Variants in MPHOSPH9 observed in about 807,000 individuals in gnomAD.
The protein encoded by MPHOSPH9 is M-phase phosphoprotein 9.
MPHOSPH9 carries 88 observed loss-of-function variants against 145.5 expected under a neutral mutation model. The observed-to-expected ratio is 0.60, with a 90% CI of 0.51 to 0.72. The LOEUF (loss-of-function observed/expected upper bound fraction) is 0.72. Ranked by LOEUF, MPHOSPH9 falls within the 30% of genes least tolerant of loss-of-function variation. The pLI, the probability that MPHOSPH9 is intolerant of heterozygous loss-of-function variation, is 0.00. For missense variants in MPHOSPH9, 1,238 were observed against 1,386.6 expected, an observed-to-expected ratio of 0.89 and a Z score of 1.70; for synonymous variants, 435 against 486.2, an observed-to-expected ratio of 0.89 and a Z score of 1.39.
At chr12:123,177,328 G>A (rs1267339272) in intron 15 of MPHOSPH9, among the ~76,000 whole-genome samples, 1 of 152,094 alleles carries the variant, frequency 6.6e-6, no homozygotes, top group African/African-American at 2.4e-5. Context: ...GATGTCAGGA[G>A]TTCGAGCCCA....
chr12:123,172,021 T>C (rs552972961), intron 16 of MPHOSPH9, among the ~76,000 whole-genome samples: 2 of 152,312 alleles, frequency 1.3e-5, no homozygotes, highest in Admixed American at 6.5e-5. Flanking sequence ...CATGAACCCA[T>C]AAGAAATACA....
At chr12:123,157,694 C>T (rs2043930094) in intron 23 of MPHOSPH9, among the ~76,000 whole-genome samples, 1 of 152,018 alleles carries the variant, frequency 6.6e-6, no homozygotes, top group Non-Finnish European at 1.5e-5. Context: ...ACTATGTCAC[C>T]CAGGCTGGTC....
chr12:123,214,721 A>G (rs1166830938), intron 7 of MPHOSPH9, 23 bp downstream of exon 7: 3 of 1,575,662 alleles, frequency 1.9e-6, no homozygotes, highest in Non-Finnish European at 2.6e-6. Flanking sequence ...AGGTTAAAAA[A>G]AATAAAAATG....
chr12:123,163,140 G>A lies in MPHOSPH9; in HGVS notation c.2909-6C>T, dbSNP rs1324730692. ...TAGCATAATCTCTCTTTTTGCTATA[G>A]AAGAAAATGAAGAGGAAATATTCTT... On this transcript the variant is annotated splice_region_variant and splice_polypyrimidine_tract_variant and intron_variant, in intron 19 of 23. Coordinates refer to ENST00000606320, the MANE Select transcript of MPHOSPH9 (RefSeq NM_022782.4). The A allele has an allele frequency of 6.4e-7, 1 of 1,568,812 alleles. No homozygotes were observed. The highest frequency in any genetic ancestry group is 8.6e-7 in the Non-Finnish European group (1 of 1,164,690).
intron 16 of MPHOSPH9, among the ~76,000 whole-genome samples, chr12:123,172,841 C>G (rs940915376): frequency 1.3e-4 from 19 of 145,120 alleles, no homozygotes; most frequent in African/African-American, 4.8e-4. Context: ...TTTCCATATT[C>G]CAGCTGTTAG....
At chr12:123,199,318 A>C (rs2046111211) in intron 11 of MPHOSPH9, among the ~76,000 whole-genome samples, 1 of 152,226 alleles carries the variant, frequency 6.6e-6, no homozygotes, top group Non-Finnish European at 1.5e-5. Context: ...TTGTAAAGTT[A>C]ATTATCACAG....
intron 2 of MPHOSPH9, among the ~76,000 whole-genome samples, chr12:123,228,855 T>C (rs1247673181): frequency 6.6e-6 from 1 of 152,218 alleles, no homozygotes; most frequent in Non-Finnish European, 1.5e-5. Flanking sequence ...TCCAGCCAAA[T>C]CAAACACTGT....
chr12:123,194,369 T>C lies in MPHOSPH9; in HGVS notation c.2241+17A>G. 1.4e-6 allele frequency: 2 copies of C among 1,478,208 alleles called. No individual in the cohort carries two copies. Among genetic ancestry groups the C allele is most frequent in the Non-Finnish European group, 1.9e-6 (2 of 1,078,316 alleles). 91.6% of individuals were successfully genotyped at this position (1,478,208 alleles called of 1,614,324 possible). The stretch of plus-strand genomic sequence containing the variant: ...TTAGCCAATCACGTCATTAAGTTAC[T>C]ATTATTCGCTACTTACATCTTGAAA... On this transcript the variant is annotated intron_variant, in intron 13 of 23. Transcript: ENST00000606320.
At chr12:123,209,623 T>G (rs750358036) in intron 8 of MPHOSPH9, among the ~76,000 whole-genome samples, 2 of 152,106 alleles carry the variant, frequency 1.3e-5, no homozygotes, top group Non-Finnish European at 2.9e-5. Flanking sequence ...TTAGCCAGGC[T>G]GGTCTCGAAC....
chr12:123,177,549 A>G (rs1341272924), intron 15 of MPHOSPH9, among the ~76,000 whole-genome samples: 1 of 151,704 alleles, frequency 6.6e-6, no homozygotes, highest in African/African-American at 2.4e-5. Flanking sequence ...AAAAAAATAA[A>G]AGCTAAACAA....
At chr12:123,195,940 T>C (rs932488275) in intron 12 of MPHOSPH9, among the ~76,000 whole-genome samples, 47 of 150,640 alleles carry the variant, frequency 3.1e-4, no homozygotes, top group Middle Eastern at 6.5e-3. Flanking sequence ...GAGGCTGAGA[T>C]GGGAGGAGCA....
chr12:123,178,925 C>G (rs930761445), intron 15 of MPHOSPH9, among the ~76,000 whole-genome samples: 1 of 152,206 alleles, frequency 6.6e-6, no homozygotes, highest in Non-Finnish European at 1.5e-5. Flanking sequence ...TCCAACCGGT[C>G]TTTCTGAAAG....
At chr12:123,170,692 C>T (rs1013295092) in intron 16 of MPHOSPH9, among the ~76,000 whole-genome samples, 7 of 152,192 alleles carry the variant, frequency 4.6e-5, no homozygotes, top group African/African-American at 1.4e-4. Context: ...TGTCCTTTCT[C>T]CCGGCAGTGG....
chr12:123,202,359 ATCTTCAG>A (rs1356504292), intron 10 of MPHOSPH9, 40 bp from the exon 11 acceptor site: 1 of 1,538,954 alleles, frequency 6.5e-7, no homozygotes, highest in East Asian at 2.3e-5. Flanking sequence ...TAGGAAAGCT[ATCTTCAG>A]TCTCCATCCC....
chr12:123,200,410 C>T (rs2046169288), intron 11 of MPHOSPH9, among the ~76,000 whole-genome samples: 1 of 152,050 alleles, frequency 6.6e-6, no homozygotes, highest in Non-Finnish European at 1.5e-5. Context: ...GTAACCAAGC[C>T]TGCCACTGTT....
chr12:123,242,445 T>G (rs2047955046), intron 1 of MPHOSPH9, among the ~76,000 whole-genome samples: 1 of 152,250 alleles, frequency 6.6e-6, no homozygotes, highest in South Asian at 2.1e-4. Flanking sequence ...GACTTTGGAT[T>G]ACTCTGTATC....
intron 1 of MPHOSPH9, among the ~76,000 whole-genome samples, chr12:123,238,513 G>A (rs2047885230): frequency 6.6e-6 from 1 of 152,112 alleles, no homozygotes; most frequent in Non-Finnish European, 1.5e-5. Context: ...GCTCATGACT[G>A]TAATCCCAGC....
chr12:123,214,070 A>G (rs2046859199), intron 7 of MPHOSPH9, among the ~76,000 whole-genome samples: 1 of 152,160 alleles, frequency 6.6e-6, no homozygotes, highest in Non-Finnish European at 1.5e-5. Flanking sequence ...GTCTGTATAT[A>G]AGGCCATTAA....
intron 8 of MPHOSPH9, among the ~76,000 whole-genome samples, chr12:123,207,053 TAAAAAA>T (rs201125578): frequency 6.2e-5 from 5 of 80,636 alleles, no homozygotes; most frequent in African/African-American, 1.9e-4. Flanking sequence ...CTCTCTCTAA[TAAAAAA>T]AAAAAAAAGT....
Sources: gnomAD v4.1 joint callset for allele counts (sites outside exome capture counted in the v4.1 genomes callset) on GRCh38, gnomAD v4.1.1 for gene constraint, MANE v1.5 for transcripts, NCBI Gene and HGNC (gene_info 2026-07-23, HGNC 2026-07-21) for gene names.